Variants in RYR2 observed in about 807,000 individuals in gnomAD.
RYR2 encodes the protein cardiac muscle ryanodine receptor-calcium release channel.
Under a neutral mutation model 601.1 loss-of-function variants are expected in RYR2, and 227 were observed. That is an observed-to-expected ratio of 0.38 (90% CI 0.34 to 0.42). The LOEUF (loss-of-function observed/expected upper bound fraction) is 0.42, where lower values mean the gene tolerates loss of function less well. RYR2 is among the 10% of genes least tolerant of loss of function. The pLI is 1.00. For synonymous variants in RYR2, 2,223 were observed against 2,175.1 expected (o/e 1.02, Z -0.61); for missense variants, 4,646 against 6,156.5 (o/e 0.75, Z 8.21).
chr1:237,331,767 G>A (rs1230118963), intron 3 of RYR2, among the ~76,000 whole-genome samples: 1 of 151,788 alleles, frequency 6.6e-6, no homozygotes, highest in Non-Finnish European at 1.5e-5. Flanking sequence ...GCCCACCTTG[G>A]CCTCCCAAAG....
At chr1:237,267,936 T>G (rs897334716) in intron 1 of RYR2, among the ~76,000 whole-genome samples, 1 of 152,190 alleles carries the variant, frequency 6.6e-6, no homozygotes, top group African/African-American at 2.4e-5. Flanking sequence ...CTCATCTAGA[T>G]ATGTGTGGGT....
At chr1:237,511,614 A>G in intron 23 of RYR2, 74 bp from the exon 24 acceptor site, 2 of 1,190,068 alleles carry the variant, frequency 1.7e-6, no homozygotes, top group Non-Finnish European at 2.4e-6. Flanking sequence ...TCCACTTTCT[A>G]CCACACAGTT....
intron 2 of RYR2, among the ~76,000 whole-genome samples, chr1:237,301,141 T>C (rs1205532275): frequency 1.3e-5 from 2 of 152,028 alleles, no homozygotes; most frequent in Non-Finnish European, 2.9e-5. Flanking sequence ...ATAAATTGAA[T>C]CCAATAGTTA....
At chr1:237,709,664 G>C (rs760217483) in intron 70 of RYR2, 97 bp downstream of exon 70, 3 of 661,098 alleles carry the variant, frequency 4.5e-6, no homozygotes, top group Non-Finnish European at 7.7e-6. Flanking sequence ...GAGAGAATAG[G>C]TTCCCCTGAG....
intron 7 of RYR2, among the ~76,000 whole-genome samples, chr1:237,376,412 C>G (rs1410836370): frequency 1.3e-5 from 2 of 152,054 alleles, no homozygotes; most frequent in Non-Finnish European, 2.9e-5. Flanking sequence ...CAAAACATAC[C>G]AAGTCCCACT....
chr1:237,548,564 C>T lies in RYR2; in HGVS notation c.3040C>T (p.Gln1014Ter), dbSNP rs775047725. The change falls in exon 26 of 105, where the codon CAG (glutamine) becomes TAG (stop). Residue 1014 changes from glutamine (Q) to a stop codon, truncating the protein, a stop_gained. Transcript: ENST00000366574. LOFTEE classifies it high-confidence loss of function. Reference protein sequence around the residue: ...HNVWARDRIRQGWTYGIQQDV... With the variant: ...HNVWARDRIR ...TGTGTGGGCGCGGGATCGAATCCGG[C>T]AGGGCTGGACTTATGGCATCCAACA... 6.2e-7 allele frequency: 1 copy of T among 1,613,920 alleles called. No homozygotes were observed.
intron 29 of RYR2, among the ~76,000 whole-genome samples, chr1:237,573,096 C>T (rs765538700): frequency 1.3e-5 from 2 of 152,012 alleles, no homozygotes; most frequent in South Asian, 2.1e-4. Flanking sequence ...GTATCATGTT[C>T]GATTTGCCAT....
At chr1:237,077,737 G>T (rs1490542241) in intron 1 of RYR2, among the ~76,000 whole-genome samples, 2 of 152,190 alleles carry the variant, frequency 1.3e-5, no homozygotes, top group Admixed American at 1.3e-4. Flanking sequence ...AGTCAACAAG[G>T]ATACCCAGAA....
At chr1:237,797,358 T>A (rs1439645736) in intron 96 of RYR2, among the ~76,000 whole-genome samples, 1 of 150,788 alleles carries the variant, frequency 6.6e-6, no homozygotes. Context: ...GGTGACAAGG[T>A]TGCAGGTCCT....
chr1:237,535,476 A>AAC (rs71561884), intron 25 of RYR2, among the ~76,000 whole-genome samples: 20 of 104,652 alleles, frequency 1.9e-4, no homozygotes, highest in African/African-American at 5.4e-4. Context: ...AATTGAATCA[A>AAC]ACACACATAC....
chr1:237,330,906 C>A lies in RYR2; in HGVS notation c.197C>A (p.Thr66Asn). The A allele has an allele frequency of 6.2e-7, 1 of 1,613,994 alleles. No individual in the cohort carries two copies. Among genetic ancestry groups the A allele is most frequent in the Non-Finnish European group, 8.5e-7 (1 of 1,179,888 alleles). Residue 66 changes from threonine to asparagine, a missense_variant, in exon 3 of 105, where the codon ACC becomes AAC. Coordinates refer to ENST00000366574, the MANE Select transcript of RYR2 (RefSeq NM_001035.3). ...GTGCCCCCAGACCTCTCCATCTGCA[C>A]CTTTGTGCTGGAGCAGTCCCTCTCT... ...KNVPPDLSICTFVLEQSLSVR... is the reference protein window; with the variant it reads ...KNVPPDLSICNFVLEQSLSVR...
intron 3 of RYR2, chr1:237,341,696 C>T (rs1454018976): frequency 1.4e-5 from 7 of 509,588 alleles, no homozygotes; most frequent in Middle Eastern, 3.2e-4. Flanking sequence ...AATTTATAGA[C>T]CAAAATCAAG....
chr1:237,777,098 G>A (rs747245187), intron 87 of RYR2, among the ~76,000 whole-genome samples: 3 of 152,152 alleles, frequency 2.0e-5, no homozygotes, highest in Non-Finnish European at 4.4e-5. Flanking sequence ...TCACATGATG[G>A]TTCTCCTGAA....
At chr1:237,506,675 T>G (rs756550209) in intron 22 of RYR2, 35 bp from the exon 23 acceptor site, 1 of 1,509,956 alleles carries the variant, frequency 6.6e-7, no homozygotes, top group South Asian at 1.2e-5. Flanking sequence ...TTGCATTTGT[T>G]TCTGATGTGT....
intron 1 of RYR2, among the ~76,000 whole-genome samples, chr1:237,134,083 C>T (rs1023834605): frequency 7.2e-5 from 11 of 152,104 alleles, no homozygotes; most frequent in Non-Finnish European, 1.5e-4. Flanking sequence ...AATGATTCAC[C>T]GCTGATCTGA....
intron 1 of RYR2, among the ~76,000 whole-genome samples, chr1:237,115,586 A>G (rs1669984877): frequency 1.3e-5 from 2 of 152,174 alleles, no homozygotes; most frequent in Admixed American, 1.3e-4. Flanking sequence ...AATGAAGTTG[A>G]TTTTAGTTAT....
chr1:237,287,265 G>C (rs905836261), intron 2 of RYR2, among the ~76,000 whole-genome samples: 2 of 152,130 alleles, frequency 1.3e-5, no homozygotes, highest in African/African-American at 4.8e-5. Flanking sequence ...CTTAACTTTG[G>C]ATAACCTGAG....
chr1:237,157,669 G>A (rs1485836602), intron 1 of RYR2, among the ~76,000 whole-genome samples: 2 of 152,186 alleles, frequency 1.3e-5, no homozygotes, highest in Non-Finnish European at 2.9e-5. Flanking sequence ...TCATGCATGT[G>A]TGGGAACTTA....
chr1:237,647,304 T>A (rs1682271048), intron 48 of RYR2, among the ~76,000 whole-genome samples: 1 of 152,060 alleles, frequency 6.6e-6, no homozygotes, highest in Non-Finnish European at 1.5e-5. Flanking sequence ...TGAATAAGAG[T>A]CATGATAGCA....
Sources: allele counts gnomAD v4.1 joint callset (sites outside exome capture counted in the v4.1 genomes callset), GRCh38; gene constraint gnomAD v4.1.1; transcripts MANE v1.5; gene names NCBI Gene and HGNC (gene_info 2026-07-23, HGNC 2026-07-21).